Variants in ACSM3 observed in about 807,000 individuals in gnomAD.
The protein encoded by ACSM3 is acyl-CoA synthetase medium chain family member 3.
A neutral mutation model predicts 74.1 loss-of-function variants in ACSM3; 61 were observed. The observed-to-expected ratio is 0.82, with a 90% confidence interval of 0.67 to 1.02. ACSM3 has a LOEUF of 1.02. Ranked by LOEUF, ACSM3 falls within the 50% of genes least tolerant of loss-of-function variation. The pLI is 0.00. For synonymous variants in ACSM3, 213 were observed against 241.5 expected (o/e 0.88, Z 1.09); for missense variants, 660 against 697.0 (o/e 0.95, Z 0.60).
At chr16:20,761,821 A>AT (rs1415578347), upstream of ACSM3, among the ~76,000 whole-genome samples, 1 of 152,192 alleles carries the variant, frequency 6.6e-6, no homozygotes, top group Non-Finnish European at 1.5e-5. Flanking sequence ...AAAATGGCAG[A>AT]TTTTAACTGG....
chr16:20,689,393 A>G (rs1054094517), intron 1 of ACSM3, among the ~76,000 whole-genome samples: 2 of 152,118 alleles, frequency 1.3e-5, no homozygotes, highest in African/African-American at 4.8e-5. Flanking sequence ...AGGAAATGAG[A>G]GACAGAAAAG....
At chr16:20,786,935 G>A (rs772451406) in intron 9 of ACSM3, among the ~76,000 whole-genome samples, 20 of 152,140 alleles carry the variant, frequency 1.3e-4, no homozygotes, top group Admixed American at 5.9e-4. Context: ...AACTAGGCCC[G>A]AAGAGGCTTC....
intron 1 of ACSM3, chr16:20,742,194 GC>G (rs1466668289): frequency 2.2e-6 from 1 of 459,214 alleles, no homozygotes; most frequent in East Asian, 7.4e-5. Context: ...GGTTGCATGA[GC>G]CCCTTGAGGC....
upstream of ACSM3, chr16:20,763,609 G>C (rs1399326907): frequency 1.3e-5 from 2 of 152,194 alleles, no homozygotes; most frequent in Admixed American, 6.5e-5. Flanking sequence ...GGAGTAACCT[G>C]ATAGCGTTTA....
At chr16:20,723,716 C>G (rs1301121441) in intron 1 of ACSM3, among the ~76,000 whole-genome samples, 2 of 152,152 alleles carry the variant, frequency 1.3e-5, no homozygotes, top group African/African-American at 4.8e-5. Flanking sequence ...CCTTCACCTG[C>G]TTTTTGATGG....
At chr16:20,795,791 T>C (rs890609889) in intron 12 of ACSM3, among the ~76,000 whole-genome samples, 1 of 152,210 alleles carries the variant, frequency 6.6e-6, no homozygotes, top group Non-Finnish European at 1.5e-5. Flanking sequence ...GGACTCCAAA[T>C]TTACTTTTAA....
chr16:20,780,952 G>C, intron 5 of ACSM3, 22 bp from the exon 6 acceptor site: 2 of 1,613,912 alleles, frequency 1.2e-6, no homozygotes, highest in Non-Finnish European at 1.7e-6. Context: ...ATGTACATCA[G>C]GGCTACTCTT....
intron 1 of ACSM3, among the ~76,000 whole-genome samples, chr16:20,743,262 C>G (rs539375271): frequency 2.6e-5 from 4 of 152,078 alleles, no homozygotes; most frequent in African/African-American, 9.6e-5. Flanking sequence ...TTTTTCCCCT[C>G]GCGCATTTCC....
chr16:20,676,925 G>A (rs560290327), intron 1 of ACSM3, among the ~76,000 whole-genome samples: 2 of 152,242 alleles, frequency 1.3e-5, no homozygotes, highest in East Asian at 3.9e-4. Context: ...AAGACTCCCT[G>A]CACCTGCTGT....
At chr16:20,683,975 CTGAA>C (rs2079501299) in intron 1 of ACSM3, among the ~76,000 whole-genome samples, 2 of 152,072 alleles carry the variant, frequency 1.3e-5, no homozygotes, top group Non-Finnish European at 1.5e-5. Flanking sequence ...CATGATCTGG[CTGAA>C]TGAATCACCT....
chr16:20,786,467 GC>G (rs903932329), intron 9 of ACSM3, among the ~76,000 whole-genome samples: 4 of 152,208 alleles, frequency 2.6e-5, no homozygotes, highest in African/African-American at 9.7e-5. Context: ...CATCACTTGA[GC>G]CCAGGAGTTC....
chr16:20,731,587 G>A, intron 1 of ACSM3: 1 of 279,834 alleles, frequency 3.6e-6, no homozygotes, highest in Non-Finnish European at 6.6e-6. Context: ...TGATGTGTCT[G>A]AAAAACAGAG....
rs2079845570 is a variant in ACSM3 at position 20,733,738 on chromosome 16, C to T, written c.-189-16172C>T. The T allele has an allele frequency of 6.6e-6, 1 of 151,864 alleles. No individual in the cohort carries two copies. Among genetic ancestry groups the T allele is most frequent in the Non-Finnish European group, 1.5e-5 (1 of 67,934 alleles). The allele number at this position is 151,864 out of a possible 1,614,324, so 9.4% of individuals were successfully genotyped here. ...TGAAAAAACAAGCTCGATTTCTGGC[C>T]GTACCAAAAGCAAAATACAAGTAAA... On this transcript the variant is annotated intron_variant, in intron 1 of 3. Coordinates refer to the ACSM3 transcript ENST00000561584.
At chr16:20,675,080 T>A (rs2152282032) in intron 1 of ACSM3, among the ~76,000 whole-genome samples, 1 of 152,164 alleles carries the variant, frequency 6.6e-6, no homozygotes, top group South Asian at 2.1e-4. Flanking sequence ...CCACCCCAAC[T>A]GGGAGTGTGT....
intron 1 of ACSM3, chr16:20,721,357 G>A (rs1419158020): frequency 6.6e-6 from 1 of 152,254 alleles, no homozygotes; most frequent in Non-Finnish European, 1.5e-5. Flanking sequence ...ATAAATTCTA[G>A]TTGACTTGAG....
intron 1 of ACSM3, chr16:20,731,664 C>T: frequency 2.5e-6 from 1 of 399,724 alleles, no homozygotes; most frequent in Non-Finnish European, 4.5e-6. Flanking sequence ...GTAAGTCCTA[C>T]AGCCTAGAGA....
intron 1 of ACSM3, among the ~76,000 whole-genome samples, chr16:20,710,564 C>G (rs1247654718): frequency 1.3e-5 from 2 of 151,976 alleles, no homozygotes; most frequent in Non-Finnish European, 2.9e-5. Flanking sequence ...AGGCTGGTCT[C>G]GAAATACTGG....
chr16:20,776,504 G>T (rs888560095), intron 3 of ACSM3, among the ~76,000 whole-genome samples: 2 of 152,132 alleles, frequency 1.3e-5, no homozygotes, highest in African/African-American at 4.8e-5. Context: ...TGTCTTAAGG[G>T]TCTGGGACTT....
At chr16:20,707,596 G>A (rs1191069497) in intron 1 of ACSM3, among the ~76,000 whole-genome samples, 1 of 152,198 alleles carries the variant, frequency 6.6e-6, no homozygotes, top group Non-Finnish European at 1.5e-5. Context: ...TAGAGCCCCT[G>A]ATAGTAGGCT....
Sources: gnomAD v4.1 joint callset for allele counts (sites outside exome capture counted in the v4.1 genomes callset) on GRCh38, gnomAD v4.1.1 for gene constraint, MANE v1.5 for transcripts, NCBI Gene and HGNC (gene_info 2026-07-23, HGNC 2026-07-21) for gene names.